The following DPP10 variants were observed in gnomAD, a reference collection of about 807,000 sequenced individuals.
DPP10 encodes the protein dipeptidyl peptidase like 10.
A neutral mutation model predicts 120.9 loss-of-function variants in DPP10; 33 were observed. The observed-to-expected ratio is 0.27, with a 90% CI of 0.21 to 0.37. DPP10 has a LOEUF of 0.37. DPP10 is among the 10% of genes least tolerant of loss of function. The pLI is 1.00. For missense variants in DPP10, 816 were observed against 942.8 expected (o/e 0.87, Z 1.76); for synonymous variants, 337 against 326.1 (o/e 1.03, Z -0.36).
intron 1 of DPP10, among the ~76,000 whole-genome samples, chr2:114,481,995 G>C (rs1460227883): frequency 1.3e-5 from 2 of 151,584 alleles, no homozygotes; most frequent in East Asian, 1.9e-4. Flanking sequence ...AAGAGAGAGA[G>C]AGAGAAAGAG....
chr2:115,727,799 C>T lies in DPP10; in HGVS notation c.577-17C>T. On this transcript the variant is annotated splice_polypyrimidine_tract_variant and intron_variant, in intron 7 of 25. Coordinates refer to ENST00000410059, the MANE Select transcript of DPP10 (RefSeq NM_020868.6). ...AACGTGTTGGATTTTTTGTTTGTTT[C>T]ACATTTCCTGATCCAGATTTATATT... is the stretch of plus-strand genomic sequence containing the variant. 6.4e-7 allele frequency: 1 copy of T among 1,570,436 alleles called. No individual in the cohort carries two copies. Among genetic ancestry groups the T allele is most frequent in the South Asian group, 1.2e-5 (1 of 83,286 alleles).
chr2:115,689,930 A>C lies in DPP10; in HGVS notation c.576+9A>C. 2 of 1,613,690 alleles carry C rather than the reference A, an allele frequency of 1.2e-6. No individual in the cohort carries two copies. The highest frequency in any genetic ancestry group is 2.2e-5 in the South Asian group (2 of 91,070). ...TCCAAGGGCAGCAGCTGGTAAGCGC[A>C]GGCATTGGTATGCACTGAACACTGC... On this transcript the variant is annotated intron_variant, in intron 7 of 25. Coordinates refer to ENST00000410059, the MANE Select transcript of DPP10 (RefSeq NM_020868.6).
intron 5 of DPP10, among the ~76,000 whole-genome samples, chr2:115,663,292 C>A (rs2089160465): frequency 6.6e-6 from 1 of 152,022 alleles, no homozygotes; most frequent in African/African-American, 2.4e-5. Flanking sequence ...TTCTTGATGC[C>A]TATATTCTTC....
intron 5 of DPP10, among the ~76,000 whole-genome samples, chr2:115,577,300 G>A (rs762354711): frequency 4.6e-5 from 7 of 152,176 alleles, no homozygotes; most frequent in Non-Finnish European, 8.8e-5. Context: ...GATAAAATGA[G>A]TGTGATCCTC....
chr2:115,083,542 C>A (rs902610470), intron 1 of DPP10, among the ~76,000 whole-genome samples: 1 of 152,178 alleles, frequency 6.6e-6, no homozygotes, highest in Non-Finnish European at 1.5e-5. Context: ...CTGTTTCTCT[C>A]GCACTGCTCT....
chr2:115,329,113 G>A (rs183780457), intron 2 of DPP10, among the ~76,000 whole-genome samples: 1 of 152,030 alleles, frequency 6.6e-6, no homozygotes, highest in African/African-American at 2.4e-5. Context: ...TTCTATATTT[G>A]TTGAAAAAAG....
chr2:115,230,916 T>C (rs2057706002), intron 1 of DPP10, among the ~76,000 whole-genome samples: 2 of 152,132 alleles, frequency 1.3e-5, no homozygotes, highest in South Asian at 4.1e-4. Flanking sequence ...TAGTTGGAAA[T>C]TTTAAAAGTA....
At chr2:115,512,445 T>C (rs1236830237) in intron 4 of DPP10, among the ~76,000 whole-genome samples, 1 of 152,150 alleles carries the variant, frequency 6.6e-6, no homozygotes, top group African/African-American at 2.4e-5. Flanking sequence ...GCTTTTTCTT[T>C]CTTTCTTCCT....
chr2:114,630,846 C>A (rs2105373103), intron 1 of DPP10, among the ~76,000 whole-genome samples: 1 of 152,214 alleles, frequency 6.6e-6, no homozygotes, highest in East Asian at 1.9e-4. Flanking sequence ...CCCCTCCCTA[C>A]CATGTGGGAG....
chr2:115,505,111 C>T (rs2076872731), intron 4 of DPP10, among the ~76,000 whole-genome samples: 1 of 151,904 alleles, frequency 6.6e-6, no homozygotes, highest in African/African-American at 2.4e-5. Context: ...ATGGTAGGAC[C>T]ATTTTATTGT....
At chr2:115,010,915 G>A (rs998504929) in intron 1 of DPP10, among the ~76,000 whole-genome samples, 6 of 152,128 alleles carry the variant, frequency 3.9e-5, no homozygotes, top group Middle Eastern at 3.2e-3. Context: ...AAAGGCAAAC[G>A]TAAACATGAT....
At chr2:115,190,343 AT>A (rs79111453) in intron 1 of DPP10, among the ~76,000 whole-genome samples, 5 of 151,302 alleles carry the variant, frequency 3.3e-5, no homozygotes, top group South Asian at 2.1e-4. Context: ...TTCTTCTACA[AT>A]TTTTTTTTAA....
intron 5 of DPP10, among the ~76,000 whole-genome samples, chr2:115,647,618 T>C (rs576376037): frequency 1.3e-5 from 2 of 152,174 alleles, no homozygotes; most frequent in Admixed American, 1.3e-4. Context: ...TACAACAAAA[T>C]ACCTGATACT....
At chr2:115,705,586 T>A (rs1238716519) in intron 7 of DPP10, among the ~76,000 whole-genome samples, 1 of 151,958 alleles carries the variant, frequency 6.6e-6, no homozygotes, top group Non-Finnish European at 1.5e-5. Flanking sequence ...TCATTTCTAG[T>A]TGGTAGAATG....
In DPP10 at chr2:114,634,043, A is replaced by G. The variant is rs532171524; in HGVS notation, c.60+191205A>G. On this transcript the variant is annotated intron_variant, in intron 1 of 25. Coordinates refer to ENST00000410059, the MANE Select transcript of DPP10 (RefSeq NM_020868.6). ...CATCTTCTTGGAATACAAGCTTTGC[A>G]GATAGATTTAAAAATATACCCCACT... Among the ~76,000 whole-genome samples the G allele has an allele frequency of 1.0e-3, 152 of 152,050 alleles. 3 individuals are homozygous for G. The highest frequency in any genetic ancestry group is 3.6e-3 in the African/African-American group (149 of 41,310).
At chr2:115,198,715 C>A (rs1292751956) in intron 1 of DPP10, among the ~76,000 whole-genome samples, 1 of 152,084 alleles carries the variant, frequency 6.6e-6, no homozygotes, top group Non-Finnish European at 1.5e-5. Context: ...CCAGCCCCAC[C>A]CAGACTTAAG....
intron 1 of DPP10, among the ~76,000 whole-genome samples, chr2:114,484,670 C>T (rs76557361): frequency 0.024 from 3,647 of 152,206 alleles, 58 homozygotes; most frequent in Middle Eastern, 0.075. Context: ...AATACAGCCT[C>T]TCTCATCCCA....
chr2:114,624,495 C>A (rs1337105268), intron 1 of DPP10, among the ~76,000 whole-genome samples: 1 of 151,836 alleles, frequency 6.6e-6, no homozygotes, highest in Non-Finnish European at 1.5e-5. Context: ...AAATTAGAAG[C>A]ACCTGGCTTC....
intron 1 of DPP10, among the ~76,000 whole-genome samples, chr2:115,038,355 C>T (rs74819767): frequency 0.1 from 15,364 of 151,948 alleles, 1,100 homozygotes; most frequent in Non-Finnish European, 0.14. Context: ...ATTGCAAGCT[C>T]CGCCTCCCGG....
Sources: gnomAD v4.1 joint callset for allele counts (sites outside exome capture counted in the v4.1 genomes callset) on GRCh38, gnomAD v4.1.1 for gene constraint, MANE v1.5 for transcripts, NCBI Gene and HGNC (gene_info 2026-07-23, HGNC 2026-07-21) for gene names.